Variants in WDR75 observed in about 807,000 individuals in gnomAD.
The protein encoded by WDR75 is WD repeat domain 75.
WDR75 carries 52 observed loss-of-function variants against 106.1 expected under a neutral mutation model. The observed-to-expected ratio is 0.49, with a 90% CI of 0.39 to 0.62. WDR75 has a LOEUF of 0.62. WDR75 is among the 20% of genes least tolerant of loss of function. The probability of loss-of-function intolerance (pLI) is 0.00; values close to 1 mark genes in which losing one functional copy is unlikely to be tolerated. For synonymous variants in WDR75, 333 were observed against 335.5 expected, an observed-to-expected ratio of 0.99 and a Z score of 0.08; for missense variants, 905 against 970.3, an observed-to-expected ratio of 0.93 and a Z score of 0.89.
chr2:189,467,345 T>C, intron 13 of WDR75, 123 bp from the exon 14 acceptor site: 2 of 954,280 alleles, frequency 2.1e-6, no homozygotes, highest in Non-Finnish European at 3.1e-6. Context: ...CAGACCTCAG[T>C]TGACCCCTAG....
intron 13 of WDR75, among the ~76,000 whole-genome samples, 187 bp from the exon 14 acceptor site, chr2:189,467,281 G>A (rs7592383): frequency 6.6e-6 from 1 of 152,230 alleles, no homozygotes; most frequent in Admixed American, 6.5e-5. Flanking sequence ...CATGCTCTGT[G>A]TCTGCCTTTC....
In WDR75 at chr2:189,466,505, A is replaced by G. The variant is rs1443821678; in HGVS notation, c.1370A>G (p.Glu457Gly). 6 of 1,613,318 alleles carry G rather than the reference A, an allele frequency of 3.7e-6. No individual in the cohort carries two copies. The Admixed American group carries it at 6.7e-5, about 18-fold the overall frequency. The stretch of plus-strand genomic sequence containing the variant: ...TGTTTCTGTAATGCAGAAAAATCTG[A>G]ACAGCCCACCTTGGTTACAGCTAGC... Reference protein sequence around the residue: ...ALCFCNAEKSEQPTLVTASKD... With the variant: ...ALCFCNAEKSGQPTLVTASKD... The change falls in exon 13 of 21, where the codon GAA (glutamate) becomes GGA (glycine). Residue 457 changes from glutamate to glycine, a missense_variant. Glu to Gly is a moderately conservative substitution (Grantham distance 98, BLOSUM62 -2). Transcript: ENST00000314761.
intron 2 of WDR75, 70 bp downstream of exon 2, chr2:189,448,578 TTGAC>T: frequency 1.3e-6 from 2 of 1,566,484 alleles, no homozygotes. Context: ...TGAGTTGAAT[TTGAC>T]TGAGAAACTT....
chr2:189,471,772 G>C (rs1318243964), intron 18 of WDR75, among the ~76,000 whole-genome samples: 1 of 152,094 alleles, frequency 6.6e-6, no homozygotes, highest in African/African-American at 2.4e-5. Context: ...CTCTATTAGT[G>C]GTGTGGTTTT....
chr2:189,458,600 T>C lies in WDR75; in HGVS notation c.570-153T>C, dbSNP rs375840076. On this transcript the variant is annotated intron_variant, in intron 6 of 20. Transcript: ENST00000314761. The stretch of plus-strand genomic sequence containing the variant: ...AGAATGCTTGATTCTTGATCAAAAT[T>C]TTCTTTTTAAAAAAAATCCTGCAGT... Among the ~76,000 whole-genome samples the C allele has an allele frequency of 4.9e-4, 75 of 152,196 alleles. 1 individual carries two copies. Among genetic ancestry groups the C allele is most frequent in the African/African-American group, 1.7e-3 (72 of 41,452 alleles).
chr2:189,448,240 T>C, intron 1 of WDR75, 139 bp from the exon 2 acceptor site: 2 of 857,898 alleles, frequency 2.3e-6, no homozygotes, highest in Non-Finnish European at 3.3e-6. Flanking sequence ...TCTCAGCATT[T>C]TGGGAGGCCC....
Position 189,474,189 on chromosome 2 carries a change from C to G in WDR75, c.2053C>G (p.Leu685Val). 1 of 1,608,540 alleles carries G rather than the reference C, an allele frequency of 6.2e-7. No homozygotes were observed. The highest frequency in any genetic ancestry group is 2.2e-5 in the East Asian group (1 of 44,824). The change falls in exon 19 of 21, where the codon CTA (leucine) becomes GTA (valine). Residue 685 changes from leucine to valine, a missense_variant. By Grantham distance (32) the Leu-to-Val change is conservative. Transcript: ENST00000314761. ...TCTTTGTCTTAAATCCTTAAAGCTG[C>G]TAGCAGAAGAAAGTCTTCCCACAAC... ...EKLTPTSKQL[L>V]AEESLPTTPF...
At chr2:189,462,270 A>C (rs1686905374) in intron 8 of WDR75, among the ~76,000 whole-genome samples, 1 of 152,190 alleles carries the variant, frequency 6.6e-6, no homozygotes, top group South Asian at 2.1e-4. Context: ...GGAGTTGGTC[A>C]GCAACAAACT....
At chr2:189,455,699 C>T in intron 5 of WDR75, 1 of 274,896 alleles carries the variant, frequency 3.6e-6, no homozygotes. Context: ...AAATTATGGC[C>T]TCCCATATGT....
chr2:189,443,811 G>T (rs1444018704), intron 1 of WDR75, among the ~76,000 whole-genome samples: 1 of 152,178 alleles, frequency 6.6e-6, no homozygotes, highest in African/African-American at 2.4e-5. Flanking sequence ...GCAGCATAGG[G>T]TATAAGAGAT....
At chr2:189,470,782 C>T in intron 17 of WDR75, 37 bp from the exon 18 acceptor site, 1 of 1,525,190 alleles carries the variant, frequency 6.6e-7, no homozygotes. Context: ...TTGCACTCTA[C>T]AGTTTGTCTT....
At chr2:189,464,493 A>C (rs1165754855) in intron 11 of WDR75, among the ~76,000 whole-genome samples, 1 of 133,100 alleles carries the variant, frequency 7.5e-6, no homozygotes, top group Non-Finnish European at 1.6e-5. Flanking sequence ...TAGACCCCTC[A>C]AAAAAAAGGA....
intron 18 of WDR75, among the ~76,000 whole-genome samples, chr2:189,471,675 C>T (rs571907960): frequency 3.3e-5 from 5 of 152,280 alleles, no homozygotes; most frequent in Non-Finnish European, 7.4e-5. Context: ...TGTCTTCAGT[C>T]TGGACTGATT....
intron 5 of WDR75, among the ~76,000 whole-genome samples, chr2:189,456,403 A>C (rs1686737194): frequency 6.6e-6 from 1 of 152,188 alleles, no homozygotes; most frequent in Admixed American, 6.5e-5. Context: ...GAGAATAAAC[A>C]AATGTGATAT....
At chr2:189,455,604 G>T in intron 5 of WDR75, 160 bp downstream of exon 5, 1 of 929,632 alleles carries the variant, frequency 1.1e-6, no homozygotes, top group Non-Finnish European at 1.5e-6. Flanking sequence ...ATGTATTTAT[G>T]GTATAGATTT....
At chr2:189,460,680 A>AT (rs1158927345) in intron 8 of WDR75, among the ~76,000 whole-genome samples, 4 of 151,324 alleles carry the variant, frequency 2.6e-5, no homozygotes, top group South Asian at 2.1e-4. Flanking sequence ...AATTATTTGT[A>AT]TTTTTTGTAG....
intron 7 of WDR75, 61 bp downstream of exon 7, chr2:189,458,933 G>A: frequency 6.7e-7 from 1 of 1,502,090 alleles, no homozygotes; most frequent in Non-Finnish European, 8.9e-7. Flanking sequence ...TAGTCCTGTA[G>A]AACAGGGCTA....
At chr2:189,443,754 CT>C (rs1429794802) in intron 1 of WDR75, among the ~76,000 whole-genome samples, 1 of 152,014 alleles carries the variant, frequency 6.6e-6, no homozygotes, top group Non-Finnish European at 1.5e-5. Flanking sequence ...ATCTGGGGGC[CT>C]TGAAAACTGG....
At chr2:189,464,204 G>C (rs1033870352) in intron 11 of WDR75, 1 of 477,556 alleles carries the variant, frequency 2.1e-6, no homozygotes, top group African/African-American at 2.0e-5. Context: ...GTTTCAGAAT[G>C]CCCTCCTATT....
Sources: allele counts gnomAD v4.1 joint callset (sites outside exome capture counted in the v4.1 genomes callset), GRCh38; gene constraint gnomAD v4.1.1; transcripts MANE v1.5; gene names NCBI Gene and HGNC (gene_info 2026-07-23, HGNC 2026-07-21).